The following CSMD1 variants were observed in gnomAD, a reference collection of about 807,000 sequenced individuals.
CSMD1 encodes CUB and Sushi multiple domains 1.
A neutral mutation model predicts 417.5 loss-of-function variants in CSMD1; 213 were observed. The observed-to-expected ratio is 0.51, with a 90% CI of 0.46 to 0.57. CSMD1 has a LOEUF of 0.57. Ranked by LOEUF, CSMD1 falls within the 20% of genes least tolerant of loss-of-function variation. CSMD1 has a pLI of 0.00. For missense variants in CSMD1, 6,923 were observed against 4,529.7 expected, an observed-to-expected ratio of 1.53 and a Z score of -15.17; for synonymous variants, 2,862 against 1,736.8, an observed-to-expected ratio of 1.65 and a Z score of -16.11.
intron 5 of CSMD1, among the ~76,000 whole-genome samples, chr8:3,936,622 G>C (rs4554487): frequency 0.35 from 52,906 of 151,886 alleles, 9,518 homozygotes; most frequent in African/African-American, 0.45. Context: ...CTGTTGAGAC[G>C]TACTGCTCAG....
chr8:3,697,034 C>T (rs963612588), intron 7 of CSMD1, among the ~76,000 whole-genome samples: 10 of 152,112 alleles, frequency 6.6e-5, no homozygotes, highest in African/African-American at 2.4e-4. Flanking sequence ...TCACATTCCT[C>T]TTCCATTGAG....
intron 49 of CSMD1, among the ~76,000 whole-genome samples, chr8:3,072,760 GTGCATAGCATCGTAT>G: frequency 6.6e-6 from 1 of 152,274 alleles, no homozygotes; most frequent in Non-Finnish European, 1.5e-5. Context: ...TTCCATTTCA[GTGCATAGCATCGTAT>G]TGGTTAGCAC....
At chr8:3,121,051 C>A (rs1817173776) in intron 41 of CSMD1, among the ~76,000 whole-genome samples, 1 of 151,554 alleles carries the variant, frequency 6.6e-6, no homozygotes, top group Non-Finnish European at 1.5e-5. Context: ...TAAAGATGTT[C>A]ATTGCAGCAT....
chr8:3,977,165 G>A (rs12677565), intron 5 of CSMD1, among the ~76,000 whole-genome samples: 7,644 of 152,050 alleles, frequency 0.05, 319 homozygotes, highest in African/African-American at 0.1. Context: ...AATCTCTTGG[G>A]CTGAAGCAAT....
At chr8:2,967,031 G>C (rs1804027522) in intron 57 of CSMD1, among the ~76,000 whole-genome samples, 2 of 152,202 alleles carry the variant, frequency 1.3e-5, no homozygotes, top group African/African-American at 4.8e-5. Context: ...TCAAGGCCCT[G>C]TTATTCAGGG....
At chr8:3,298,459 T>C (rs2117323279) in intron 25 of CSMD1, among the ~76,000 whole-genome samples, 1 of 151,668 alleles carries the variant, frequency 6.6e-6, no homozygotes, top group Admixed American at 6.6e-5. Context: ...GTACAATCTC[T>C]CTCTCTCTTT....
At chr8:3,618,708 G>T (rs897748286) in intron 7 of CSMD1, among the ~76,000 whole-genome samples, 1 of 152,050 alleles carries the variant, frequency 6.6e-6, no homozygotes, top group Non-Finnish European at 1.5e-5. Flanking sequence ...AGCGCTAAAT[G>T]ACAGTAAAAA....
chr8:3,763,718 C>G (rs1264876356), intron 5 of CSMD1, among the ~76,000 whole-genome samples: 1 of 152,166 alleles, frequency 6.6e-6, no homozygotes, highest in Admixed American at 6.5e-5. Flanking sequence ...TGGATAAACC[C>G]TGTACCTTTG....
chr8:3,278,564 T>A (rs11779928), intron 26 of CSMD1: 1 of 152,058 alleles, frequency 6.6e-6, no homozygotes, highest in East Asian at 1.9e-4. Flanking sequence ...TAAAAATTTT[T>A]AAAATCATAA....
intron 3 of CSMD1, among the ~76,000 whole-genome samples, chr8:4,041,658 T>G (rs982009700): frequency 2.0e-5 from 3 of 151,958 alleles, no homozygotes; most frequent in Non-Finnish European, 2.9e-5. Context: ...ACTCAATCAA[T>G]GAAAAGTGAG....
At chr8:4,423,076 C>A (rs1162727265) in intron 2 of CSMD1, among the ~76,000 whole-genome samples, 2 of 151,834 alleles carry the variant, frequency 1.3e-5, no homozygotes, top group Admixed American at 6.6e-5. Context: ...TTTAAAAAAG[C>A]CTAAAGATAA....
At chr8:4,394,403 C>T (rs1475601550) in intron 3 of CSMD1, among the ~76,000 whole-genome samples, 4 of 152,170 alleles carry the variant, frequency 2.6e-5, no homozygotes, top group African/African-American at 7.2e-5. Flanking sequence ...TTTCTTAGAA[C>T]ACAATCAATA....
chr8:3,905,674 C>A (rs1584942941), intron 5 of CSMD1, among the ~76,000 whole-genome samples: 1 of 152,298 alleles, frequency 6.6e-6, no homozygotes, highest in East Asian at 1.9e-4. Flanking sequence ...AGTCCAGGAA[C>A]CACTCTTTGA....
Position 4,067,423 on chromosome 8 carries a change from C to G in CSMD1, c.416-35324G>C, listed in dbSNP as rs548597796. On this transcript the variant is annotated intron_variant, in intron 3 of 69. Coordinates refer to ENST00000635120, the MANE Select transcript of CSMD1 (RefSeq NM_033225.6). ...TATTTCCTAGACTAATGAATATTTCCCAGAGAATTTATTATTGTTATACAG... is the reference window on the plus strand; with the variant it reads ...TATTTCCTAGACTAATGAATATTTCGCAGAGAATTTATTATTGTTATACAG... 2.6e-5 allele frequency among the ~76,000 whole-genome samples: 4 copies of G among 152,092 alleles called. No homozygotes were observed. In the South Asian group the frequency reaches 8.3e-4, roughly 32 times the overall value.
Position 3,188,922 on chromosome 8 carries a change from A to C in CSMD1, c.5488T>G (p.Trp1830Gly). ...EPYGNNLNCI[W>G]KIIVTEGSGI... ...GAGCCCTCCGTAACTATGATCTTCC[A>C]TATACAGTTCAAGTTGTTTCCGTAT... The change falls in exon 35 of 70, where the codon TGG becomes GGG. Residue 1830 changes from tryptophan to glycine, a missense_variant. Coordinates refer to ENST00000635120, the MANE Select transcript of CSMD1 (RefSeq NM_033225.6). 1 of 1,605,428 alleles carries C rather than the reference A, an allele frequency of 6.2e-7. No homozygotes were observed. Among genetic ancestry groups the C allele is most frequent in the Non-Finnish European group, 8.5e-7 (1 of 1,175,724 alleles).
chr8:3,892,989 C>T (rs1806205275), intron 5 of CSMD1, among the ~76,000 whole-genome samples: 1 of 151,434 alleles, frequency 6.6e-6, no homozygotes. Flanking sequence ...TATGACATAA[C>T]AATCATGGTT....
At chr8:3,508,756 G>C (rs925169129) in intron 10 of CSMD1, among the ~76,000 whole-genome samples, 2 of 151,974 alleles carry the variant, frequency 1.3e-5, no homozygotes, top group East Asian at 3.9e-4. Flanking sequence ...ATTCTATTTA[G>C]ACCGAATAGA....
Position 3,686,121 on chromosome 8 carries a change from G to GA in CSMD1, c.1009+22292dup, listed in dbSNP as rs201729455. ...GTCAGTTTTCTATGTTTATCAAAAA[G>GA]AAAAAAAAACTGTCTATGGGACTAT... On this transcript the variant is annotated intron_variant, in intron 7 of 69. Coordinates refer to ENST00000635120, the MANE Select transcript of CSMD1 (RefSeq NM_033225.6). Among the ~76,000 whole-genome samples the GA allele has an allele frequency of 2.8e-3, 420 of 149,626 alleles. 3 individuals are homozygous for GA. The highest frequency in any genetic ancestry group is 0.013 in the East Asian group (66 of 5,084).
intron 10 of CSMD1, among the ~76,000 whole-genome samples, chr8:3,551,192 T>C (rs1269719366): frequency 6.6e-6 from 1 of 152,164 alleles, no homozygotes; most frequent in African/African-American, 2.4e-5. Flanking sequence ...AAAGATTCAG[T>C]GAGATAATGA....
Sources: allele counts gnomAD v4.1 joint callset (sites outside exome capture counted in the v4.1 genomes callset), GRCh38; gene constraint gnomAD v4.1.1; transcripts MANE v1.5; gene names NCBI Gene and HGNC (gene_info 2026-07-23, HGNC 2026-07-21).